Variants in CTC1 observed in about 807,000 individuals in gnomAD.
CTC1 encodes CST telomere replication complex component 1, also known as CST complex subunit CTC1.
CTC1 carries 91 observed loss-of-function variants against 136.3 expected under a neutral mutation model. The ratio of observed to expected loss-of-function variants is 0.67; its 90% confidence interval spans 0.56 to 0.79. The LOEUF (loss-of-function observed/expected upper bound fraction) is 0.79, where lower values mean the gene tolerates loss of function less well. CTC1 is among the 30% of genes least tolerant of loss of function. The pLI is 0.00. For synonymous variants in CTC1, 606 were observed against 613.8 expected (o/e 0.99, Z 0.19); for missense variants, 1,432 against 1,498.1 (o/e 0.96, Z 0.73).
chr17:8,235,958 C>T lies in CTC1; in HGVS notation c.1079G>A (p.Gly360Glu). The T allele has an allele frequency of 6.2e-7, 1 of 1,604,698 alleles. No homozygotes were observed. Among genetic ancestry groups the T allele is most frequent in the Non-Finnish European group, 8.5e-7 (1 of 1,172,694 alleles). ...VRYSRLLSYS[G>E]AVTGVLNEPA... is the part of the protein sequence containing the mutation. ...CTCATTCAACACGCCAGTGACTGCT[C>T]CCTGCAAACAGGCCGAGGTCCAGTT... The change falls in exon 7 of 23, where the codon GGA (glycine) becomes GAA (glutamate). Residue 360 changes from glycine to glutamate, a missense_variant and splice_region_variant. Coordinates refer to ENST00000651323, the MANE Select transcript of CTC1 (RefSeq NM_025099.6).
Position 8,238,541 on chromosome 17 carries a change from C to A in CTC1, c.286G>T (p.Ala96Ser), listed in dbSNP as rs751570124. The part of the protein sequence containing the change: ...SWSSSAYQAW[A>S]QEAGPNGNPL... ...TTCCCATTTGGTCCAGCCTCTTGGG[C>A]CCAGGCCTGGTATGCACTACTGCTC... The change falls in exon 3 of 23, where the codon GCC (alanine) becomes TCC (serine). Residue 96 changes from alanine (A) to serine (S), a missense_variant. Physicochemically the swap from Ala to Ser is moderately conservative, Grantham distance 99. Coordinates refer to ENST00000651323, the MANE Select transcript of CTC1 (RefSeq NM_025099.6). 3.7e-6 allele frequency: 6 copies of A among 1,614,030 alleles called. No individual in the cohort carries two copies. The Admixed American group carries it at 5.0e-5, about 13-fold the overall frequency.
rs746829533 is a variant in CTC1, at chr17:8,236,248, T to C, written c.887A>G (p.Gln296Arg). The change falls in exon 6 of 23, where the codon CAG becomes CGG. Residue 296 changes from glutamine (Q) to arginine (R), a missense_variant. Transcript: ENST00000651323. ...GGACTGACTGGTCATCCAAACATGC[T>C]GGCGCTGACCACGGATCTTGGACAC... ...LRVSKIRGQRQHVWMTSQSSR... is the reference protein window; with the variant it reads ...LRVSKIRGQRRHVWMTSQSSR... 21 of 1,614,066 alleles carry C rather than the reference T, an allele frequency of 1.3e-5. No individual in the cohort carries two copies. Among genetic ancestry groups the C allele is most frequent in the Admixed American group, 1.0e-4 (6 of 60,002 alleles).
chr17:8,229,293 C>G lies in CTC1; in HGVS notation c.3156+9G>C. 2 of 1,614,186 alleles carry G rather than the reference C, an allele frequency of 1.2e-6. No homozygotes were observed. Among genetic ancestry groups the G allele is most frequent in the Non-Finnish European group, 1.7e-6 (2 of 1,180,040 alleles). On this transcript the variant is annotated intron_variant, in intron 19 of 22. Transcript: ENST00000651323. ...ATACTCAGTTCAGCCTGTTCCTTCCCTCCCTTACCTGCCGGCAGATGCTGG... is the reference window on the plus strand; with the variant it reads ...ATACTCAGTTCAGCCTGTTCCTTCCGTCCCTTACCTGCCGGCAGATGCTGG...
In CTC1 at chr17:8,238,014, C is replaced by T; in HGVS notation, c.647+17G>A. 6.2e-7 allele frequency: 1 copy of T among 1,602,940 alleles called. No individual in the cohort carries two copies. Among genetic ancestry groups the T allele is most frequent in the South Asian group, 1.1e-5 (1 of 90,842 alleles). The stretch of plus-strand genomic sequence containing the variant: ...CAGTTTTACAGCGCCCCTGCCATGC[C>T]TAGAGGGGGAAATTACCTGAGCCTG... On this transcript the variant is annotated intron_variant, in intron 4 of 22. Coordinates refer to ENST00000651323, the MANE Select transcript of CTC1 (RefSeq NM_025099.6).
intron 2 of CTC1, among the ~76,000 whole-genome samples, chr17:8,239,923 C>T (rs1005333324): frequency 3.9e-5 from 6 of 152,168 alleles, no homozygotes; most frequent in African/African-American, 1.2e-4. Flanking sequence ...GAAACTAATA[C>T]CTGTTGGCCC....
rs1164794062 is a variant in CTC1, at chr17:8,232,035, T to C, written c.2253A>G (p.Gly751=). The C allele has an allele frequency of 1.3e-6, 2 of 1,577,524 alleles. No individual in the cohort carries two copies. The highest frequency in any genetic ancestry group is 2.4e-5 in the South Asian group (2 of 85,104). The change falls in exon 13 of 23, where the codon GGA becomes GGG. Residue 751 remains glycine (G), a synonymous_variant. Transcript: ENST00000651323. ...LMKRNFCVPP[G]ASPEVPKPAL... ...CGGGCTTGGGCACCTCTGGACTTGC[T>C]CCTGGGGGGACACAAAAATTACGCT... is the stretch of plus-strand genomic sequence containing the variant.
At position 8,234,092 on chromosome 17, in the gene CTC1, C is replaced by T. The variant is rs117044290; in HGVS notation, c.1818+363G>A. On this transcript the variant is annotated intron_variant, in intron 10 of 22. Transcript: ENST00000651323. ...CTTGATCTCTCAGGCTCAAGCAATC[C>T]TACCTCAGCCTCCTGAGTAGCTGGG... 2.0e-5 allele frequency among the ~76,000 whole-genome samples: 3 copies of T among 152,276 alleles called. No individual in the cohort carries two copies. The East Asian group carries it at 5.8e-4, about 29-fold the overall frequency.
rs776408496 is a variant in CTC1 at position 8,236,109 on chromosome 17, G to A, written c.1026C>T (p.Asp342=). The change falls in exon 6 of 23, where the codon GAC becomes GAT. Residue 342 remains aspartate (D), a synonymous_variant. Coordinates refer to ENST00000651323, the MANE Select transcript of CTC1 (RefSeq NM_025099.6). ...KPLPMPSNSE[D]KKDPESLVRY... ...GGACAAGACTTTCTGGATCCTTCTT[G>A]TCCTCCGAGTTGCTGGGCATGGGGA... The A allele has an allele frequency of 1.9e-6, 3 of 1,614,060 alleles. No individual in the cohort carries two copies. The highest frequency in any genetic ancestry group is 2.5e-6 in the Non-Finnish European group (3 of 1,180,048).
At chr17:8,242,418 T>C (rs1988305267) in intron 2 of CTC1, among the ~76,000 whole-genome samples, 2 of 151,420 alleles carry the variant, frequency 1.3e-5, no homozygotes, top group South Asian at 4.2e-4. Context: ...ACCCTATGAC[T>C]CTCCCAGAGA....
At chr17:8,247,203 C>T (rs983829699) in intron 1 of CTC1, among the ~76,000 whole-genome samples, 2 of 151,474 alleles carry the variant, frequency 1.3e-5, no homozygotes, top group African/African-American at 4.8e-5. Context: ...AGCTCTGACC[C>T]CTCCACCACC....
Position 8,232,145 on chromosome 17 carries a change from G to C in CTC1, c.2143C>G (p.Pro715Ala). The change falls in exon 13 of 23, where the codon CCT (proline) becomes GCT (alanine). Residue 715 changes from proline (P) to alanine (A), a missense_variant. Coordinates refer to ENST00000651323, the MANE Select transcript of CTC1 (RefSeq NM_025099.6). ...TCTGGGCCGGTGGGATCTGTCTGAG[G>C]TGTTGAGGGTGTTGCTGAATGAAGG... ...PCLHSATPST[P>A]QTDPTGPEGP... 6.6e-7 allele frequency: 1 copy of C among 1,524,990 alleles called. No individual in the cohort carries two copies. Among genetic ancestry groups the C allele is most frequent in the Non-Finnish European group, 8.8e-7 (1 of 1,140,676 alleles). The allele number at this position is 1,524,990 out of a possible 1,614,324, so 94.5% of individuals were successfully genotyped here.
chr17:8,246,291 T>C (rs1292671917), intron 1 of CTC1, among the ~76,000 whole-genome samples: 3 of 151,818 alleles, frequency 2.0e-5, no homozygotes, highest in African/African-American at 7.3e-5. Flanking sequence ...CAATATGCTT[T>C]CCCACAATTA....
At chr17:8,238,297 C>T in intron 3 of CTC1, 55 bp from the exon 4 acceptor site, 1 of 1,563,188 alleles carries the variant, frequency 6.4e-7, no homozygotes, top group Non-Finnish European at 8.7e-7. Flanking sequence ...TATCCACCCA[C>T]CTCCCCGTTT....
intron 1 of CTC1, among the ~76,000 whole-genome samples, chr17:8,246,931 C>T (rs541755550): frequency 6.6e-6 from 1 of 151,592 alleles, no homozygotes; most frequent in Non-Finnish European, 1.5e-5. Context: ...CACACGCACA[C>T]AAACCAATCC....
intron 1 of CTC1, among the ~76,000 whole-genome samples, chr17:8,246,137 G>A (rs1988673724): frequency 6.8e-6 from 1 of 147,334 alleles, no homozygotes; most frequent in South Asian, 2.3e-4. Flanking sequence ...GCCCAGGGAG[G>A]TTGAGGCTGC....
In CTC1 at chr17:8,231,988, C is replaced by T; in HGVS notation, c.2300G>A (p.Gly767Glu). The stretch of plus-strand genomic sequence containing the variant: ...CCTCTGGGTGCCCCCAAGCCAGCTC[C>T]CCAACACATAGAAACTGAGGGCGGG... Reference protein sequence around the residue: ...PKPALSFYVLGSWLGGTQRKE... With the variant: ...PKPALSFYVLESWLGGTQRKE... Residue 767 changes from glycine to glutamate, a missense_variant, in exon 13 of 23, where the codon GGG (glycine) becomes GAG (glutamate). Physicochemically the swap from Gly to Glu is moderately conservative, Grantham distance 98. Transcript: ENST00000651323. The T allele has an allele frequency of 1.2e-6, 2 of 1,607,292 alleles. No individual in the cohort carries two copies. The highest frequency in any genetic ancestry group is 1.7e-6 in the Non-Finnish European group (2 of 1,177,038).
In CTC1 at chr17:8,229,451, A is replaced by G; in HGVS notation, c.3012-5T>C. 1 of 1,611,566 alleles carries G rather than the reference A, an allele frequency of 6.2e-7. No individual in the cohort carries two copies. Among genetic ancestry groups the G allele is most frequent in the Middle Eastern group, 1.7e-4 (1 of 6,016 alleles). ...TAGATGTGGGGCAGGGGAATGCTAA[A>G]TAAATACAGGGAGACAGAGACAGGG... On this transcript the variant is annotated splice_polypyrimidine_tract_variant and splice_region_variant and intron_variant, in intron 18 of 22. Transcript: ENST00000651323.
rs747216194 is a variant in CTC1 at position 8,234,412 on chromosome 17, A to G, written c.1818+43T>C. 2.6e-6 allele frequency: 4 copies of G among 1,525,632 alleles called. No individual in the cohort carries two copies. In the South Asian group the frequency reaches 4.8e-5, roughly 18 times the overall value. The allele number at this position is 1,525,632 out of a possible 1,614,324, so 94.5% of individuals were successfully genotyped here. A position where few individuals can be genotyped will look rare whatever the true frequency, so the allele number is the denominator to read the frequency against. ...GACTAGAGTCGTGGCAATAAGGATG[A>G]CAAAAAGGGAAATCACCTGAGCCCT... On this transcript the variant is annotated intron_variant, in intron 10 of 22. Coordinates refer to ENST00000651323, the MANE Select transcript of CTC1 (RefSeq NM_025099.6).
chr17:8,234,561 G>C lies in CTC1; in HGVS notation c.1712C>G (p.Ala571Gly). 2.5e-6 allele frequency: 4 copies of C among 1,593,726 alleles called. No homozygotes were observed. The highest frequency in any genetic ancestry group is 3.4e-6 in the Non-Finnish European group (4 of 1,169,744). Residue 571 changes from alanine (A) to glycine (G), a missense_variant, in exon 10 of 23, where the codon GCC (alanine) becomes GGC (glycine). By Grantham distance (60) the Ala-to-Gly change is moderately conservative. Transcript: ENST00000651323. ...RKAWASFDPK[A>G]LLPLPEASYL... is the part of the protein sequence containing the mutation. ...GGAGGCCTCCGGGAGGGGCAGAAGG[G>C]CCTTAGGGTCAAAGGAGGCCCAGGC...
Sources: gnomAD v4.1 joint callset for allele counts (sites outside exome capture counted in the v4.1 genomes callset) on GRCh38, gnomAD v4.1.1 for gene constraint, MANE v1.5 for transcripts, NCBI Gene and HGNC (gene_info 2026-07-23, HGNC 2026-07-21) for gene names.